SLC9A9: variants seen among roughly 807,000 people sequenced by gnomAD.
SLC9A9 encodes the protein sodium/hydrogen exchanger 9.
Under a neutral mutation model 77.8 loss-of-function variants are expected in SLC9A9, and 62 were observed. The ratio of observed to expected loss-of-function variants is 0.80; its 90% confidence interval spans 0.65 to 0.98. The LOEUF is 0.98. SLC9A9 is among the 50% of genes least tolerant of loss of function. SLC9A9 has a pLI of 0.00. For synonymous variants in SLC9A9, 320 were observed against 283.5 expected (o/e 1.13, Z -1.29); for missense variants, 775 against 774.9 (o/e 1.00, Z 0.00).
At chr3:143,792,076 T>C (rs2008242060) in intron 4 of SLC9A9, among the ~76,000 whole-genome samples, 1 of 152,202 alleles carries the variant, frequency 6.6e-6, no homozygotes, top group Non-Finnish European at 1.5e-5. Flanking sequence ...TAAACCTCAG[T>C]TGTTTCATCT....
intron 1 of SLC9A9, chr3:143,847,573 G>A (rs912457689): frequency 6.5e-6 from 1 of 153,726 alleles, no homozygotes; most frequent in African/African-American, 2.4e-5. Context: ...GAAGTAAAAA[G>A]TACTGCATAA....
intron 4 of SLC9A9, among the ~76,000 whole-genome samples, chr3:143,714,769 C>T (rs543729755): frequency 2.6e-5 from 4 of 152,114 alleles, no homozygotes; most frequent in Non-Finnish European, 5.9e-5. Flanking sequence ...TAGATTTGAT[C>T]AATGGAGGTG....
chr3:143,493,203 C>G (rs1445123475), intron 11 of SLC9A9, among the ~76,000 whole-genome samples: 1 of 152,130 alleles, frequency 6.6e-6, no homozygotes, highest in Non-Finnish European at 1.5e-5. Context: ...TTTGTATTAA[C>G]TGTGAGGAGT....
chr3:143,429,010 C>T (rs759695139), intron 12 of SLC9A9, among the ~76,000 whole-genome samples: 1 of 152,080 alleles, frequency 6.6e-6, no homozygotes, highest in Non-Finnish European at 1.5e-5. Context: ...GTGACTACAG[C>T]ATGTAAAGGT....
At chr3:143,310,839 CAG>C (rs2030992392) in intron 14 of SLC9A9, among the ~76,000 whole-genome samples, 2 of 152,236 alleles carry the variant, frequency 1.3e-5, no homozygotes, top group African/African-American at 4.8e-5. Context: ...TTTTTGTGAA[CAG>C]AGAATCAGAA....
chr3:143,443,118 G>A (rs1183213456), intron 12 of SLC9A9, among the ~76,000 whole-genome samples: 9 of 151,424 alleles, frequency 5.9e-5, no homozygotes, highest in Non-Finnish European at 1.0e-4. Flanking sequence ...ATTAAGGTAT[G>A]GTATAAAACA....
intron 13 of SLC9A9, among the ~76,000 whole-genome samples, chr3:143,374,286 G>T (rs1441621631): frequency 6.6e-6 from 1 of 151,742 alleles, no homozygotes. Context: ...TTAGCCGGGC[G>T]TGGTGGCGGG....
chr3:143,702,552 A>C (rs1576669432), intron 4 of SLC9A9, among the ~76,000 whole-genome samples: 1 of 19,034 alleles, frequency 5.3e-5, no homozygotes. Context: ...ACTGCAAATC[A>C]AAAAAAAATA....
chr3:143,771,186 G>A (rs2007503215), intron 4 of SLC9A9, among the ~76,000 whole-genome samples: 1 of 152,152 alleles, frequency 6.6e-6, no homozygotes, highest in South Asian at 2.1e-4. Flanking sequence ...AGAGCACACA[G>A]TAATACGAAG....
intron 12 of SLC9A9, among the ~76,000 whole-genome samples, chr3:143,436,809 T>C (rs1035775896): frequency 6.6e-6 from 1 of 152,142 alleles, no homozygotes; most frequent in African/African-American, 2.4e-5. Context: ...CTGGGATGAG[T>C]TGGCTGTGTC....
rs573650599 is a variant in SLC9A9 at position 143,744,079 on chromosome 3, A to G, written c.534-50772T>C. On this transcript the variant is annotated intron_variant, in intron 4 of 15. Coordinates refer to ENST00000316549, the MANE Select transcript of SLC9A9 (RefSeq NM_173653.4). The stretch of plus-strand genomic sequence containing the variant: ...ATTAATACTAGCTAGCATCAATTAA[A>G]TATTTACTATGTCCCAGATACTGAT... Among the ~76,000 whole-genome samples, 17 of 152,322 alleles carry G rather than the reference A, an allele frequency of 1.1e-4. No individual in the cohort carries two copies. In the South Asian group the frequency reaches 3.3e-3, roughly 30 times the overall value.
intron 9 of SLC9A9, among the ~76,000 whole-genome samples, chr3:143,529,121 G>A (rs1299916889): frequency 2.6e-5 from 4 of 152,180 alleles, no homozygotes; most frequent in Non-Finnish European, 4.4e-5. Flanking sequence ...GAGCTAAGGT[G>A]CTTGAGGGTA....
chr3:143,380,003 T>C (rs1259497466), intron 13 of SLC9A9, among the ~76,000 whole-genome samples: 2 of 152,168 alleles, frequency 1.3e-5, no homozygotes, highest in African/African-American at 4.8e-5. Context: ...GTTGGGTCAT[T>C]TTCATAAACC....
chr3:143,586,929 G>A (rs771185123), intron 6 of SLC9A9, among the ~76,000 whole-genome samples: 2 of 152,216 alleles, frequency 1.3e-5, no homozygotes, highest in East Asian at 1.9e-4. Flanking sequence ...ACCCTGCAGA[G>A]TCAAGAGCTG....
At chr3:143,516,154 C>A (rs1335736687) in intron 9 of SLC9A9, among the ~76,000 whole-genome samples, 1 of 152,144 alleles carries the variant, frequency 6.6e-6, no homozygotes, top group Non-Finnish European at 1.5e-5. Context: ...GATGTATTTG[C>A]ATAAACTGTA....
chr3:143,578,866 G>A, intron 6 of SLC9A9, 143 bp from the exon 7 acceptor site: 1 of 959,246 alleles, frequency 1.0e-6, no homozygotes, highest in South Asian at 1.4e-5. Context: ...AGATACAGAA[G>A]GGGAGAGTTG....
At chr3:143,775,681 G>A (rs1560073899) in intron 4 of SLC9A9, among the ~76,000 whole-genome samples, 1 of 152,198 alleles carries the variant, frequency 6.6e-6, no homozygotes, top group Non-Finnish European at 1.5e-5. Context: ...CCTAGGTGGT[G>A]ACACTTGCCC....
At chr3:143,655,981 A>G (rs1230175798) in intron 5 of SLC9A9, among the ~76,000 whole-genome samples, 2 of 152,208 alleles carry the variant, frequency 1.3e-5, no homozygotes, top group African/African-American at 2.4e-5. Context: ...GCCAGAGGAA[A>G]GAGAGGCTGA....
At position 143,345,678 on chromosome 3, in the gene SLC9A9, G is replaced by A. The variant is rs537219532; in HGVS notation, c.1604+17806C>T. 8.5e-5 allele frequency among the ~76,000 whole-genome samples: 13 copies of A among 152,296 alleles called. No individual in the cohort carries two copies. In the East Asian group the frequency reaches 2.5e-3, roughly 29 times the overall value. ...AGTTGTTGATCAATAATAGATAAGG[G>A]AACCAGTCTCTGCAGGTGTGTAAAT... On this transcript the variant is annotated intron_variant, in intron 14 of 15. Transcript: ENST00000316549.
Sources: allele counts gnomAD v4.1 joint callset (sites outside exome capture counted in the v4.1 genomes callset), GRCh38; gene constraint gnomAD v4.1.1; transcripts MANE v1.5; gene names NCBI Gene and HGNC (gene_info 2026-07-23, HGNC 2026-07-21).